Variants in BCAR3 observed in about 807,000 individuals in gnomAD.
BCAR3 encodes the protein BCAR3 adaptor protein, NSP family member, also known as breast cancer anti-estrogen resistance protein 3.
Under a neutral mutation model 80.1 loss-of-function variants are expected in BCAR3, and 37 were observed. That is an observed-to-expected ratio of 0.46 (90% confidence interval 0.36 to 0.61). The LOEUF is 0.61. Among genes scored for constraint, BCAR3 ranks in the 20% least tolerant of loss-of-function variants. The probability of loss-of-function intolerance (pLI) is 0.00; values close to 1 mark genes in which losing one functional copy is unlikely to be tolerated. For synonymous variants in BCAR3, 389 were observed against 418.9 expected (o/e 0.93, Z 0.87); for missense variants, 978 against 1,068.2 (o/e 0.92, Z 1.18).
At chr1:93,786,259 A>G (rs547980744) in intron 2 of BCAR3, among the ~76,000 whole-genome samples, 1 of 149,752 alleles carries the variant, frequency 6.7e-6, no homozygotes, top group African/African-American at 2.5e-5. Flanking sequence ...GAATGCTCAT[A>G]CCTGTAACCC....
chr1:93,689,635 A>G (rs1300445964), intron 3 of BCAR3, among the ~76,000 whole-genome samples: 1 of 152,044 alleles, frequency 6.6e-6, no homozygotes, highest in Non-Finnish European at 1.5e-5. Flanking sequence ...TTGATTATGG[A>G]AATGAAGAGA....
chr1:93,574,706 A>T (rs1673375730), intron 8 of BCAR3, among the ~76,000 whole-genome samples: 1 of 152,208 alleles, frequency 6.6e-6, no homozygotes, highest in African/African-American at 2.4e-5. Flanking sequence ...CTGCTGATAG[A>T]ACGAAGCTAG....
intron 2 of BCAR3, among the ~76,000 whole-genome samples, chr1:93,669,341 CT>C (rs1486703707): frequency 6.6e-6 from 1 of 152,202 alleles, no homozygotes; most frequent in Non-Finnish European, 1.5e-5. Context: ...AGGAAAAAAG[CT>C]GCATAGATTC....
At chr1:93,669,247 G>A (rs1648087285) in intron 2 of BCAR3, among the ~76,000 whole-genome samples, 1 of 152,132 alleles carries the variant, frequency 6.6e-6, no homozygotes, top group African/African-American at 2.4e-5. Context: ...GAAACCAATG[G>A]TTCTGAAGAG....
chr1:93,807,990 A>G (rs1653711253), intron 2 of BCAR3, among the ~76,000 whole-genome samples: 1 of 151,074 alleles, frequency 6.6e-6, no homozygotes, highest in East Asian at 1.9e-4. Flanking sequence ...GTGAGCTGAG[A>G]TCACACCACT....
Position 93,588,348 on chromosome 1 carries a change from A to C in BCAR3, c.929+629T>G, listed in dbSNP as rs1674028122. 2.7e-5 allele frequency among the ~76,000 whole-genome samples: 4 copies of C among 150,586 alleles called. No homozygotes were observed. The South Asian group carries it at 8.4e-4, about 32-fold the overall frequency. ...TCCTACATCTCTTGACTCTCCCTCCACTCCACTCCTGCAGCCGGGGCCCTC... is the reference window on the plus strand; with the variant it reads ...TCCTACATCTCTTGACTCTCCCTCCCCTCCACTCCTGCAGCCGGGGCCCTC... On this transcript the variant is annotated intron_variant, in intron 5 of 11. Transcript: ENST00000260502.
chr1:93,804,202 A>G (rs1653586930), intron 2 of BCAR3, among the ~76,000 whole-genome samples: 1 of 152,232 alleles, frequency 6.6e-6, no homozygotes, highest in African/African-American at 2.4e-5. Flanking sequence ...CCAGCCTCAC[A>G]GGTGAGAATT....
chr1:93,797,466 T>C (rs1279847098), intron 2 of BCAR3, among the ~76,000 whole-genome samples: 3 of 152,190 alleles, frequency 2.0e-5, no homozygotes, highest in Non-Finnish European at 4.4e-5. Context: ...GCTTTGTTAA[T>C]AATGGAGTAT....
At chr1:93,701,412 G>T (rs1043697809) in intron 3 of BCAR3, among the ~76,000 whole-genome samples, 3 of 152,216 alleles carry the variant, frequency 2.0e-5, no homozygotes, top group African/African-American at 7.2e-5. Flanking sequence ...TCACCAGGCT[G>T]GGGGAGGGCA....
At chr1:93,599,545 C>T (rs953411571) in intron 3 of BCAR3, 1 of 150,162 alleles carries the variant, frequency 6.7e-6, no homozygotes, top group Non-Finnish European at 1.5e-5. Flanking sequence ...CCCAGGAAGG[C>T]AACAGGTATA....
intron 2 of BCAR3, among the ~76,000 whole-genome samples, chr1:93,720,806 C>T (rs1650367370): frequency 6.6e-6 from 1 of 152,218 alleles, no homozygotes; most frequent in South Asian, 2.1e-4. Context: ...GAGGGCCTGG[C>T]CCTTTGGCCT....
At chr1:93,679,897 G>A (rs892225271) in intron 1 of BCAR3, among the ~76,000 whole-genome samples, 1 of 152,162 alleles carries the variant, frequency 6.6e-6, no homozygotes, top group African/African-American at 2.4e-5. Flanking sequence ...TATCTGATGT[G>A]AGCTTTAAGA....
At chr1:93,625,611 T>C (rs1675434733) in intron 3 of BCAR3, among the ~76,000 whole-genome samples, 1 of 152,246 alleles carries the variant, frequency 6.6e-6, no homozygotes, top group African/African-American at 2.4e-5. Context: ...CACAGGCTAA[T>C]AAATATGTGA....
intron 2 of BCAR3, among the ~76,000 whole-genome samples, chr1:93,716,956 A>T (rs185746039): frequency 2.0e-5 from 3 of 152,342 alleles, no homozygotes; most frequent in Non-Finnish European, 2.9e-5. Context: ...GACTGAGGCC[A>T]CAACACTTTG....
In BCAR3 at chr1:93,571,820, G is replaced by C. The variant is rs1352125758; in HGVS notation, c.1824C>G (p.Gly608=). The change falls in exon 9 of 12, where the codon GGC becomes GGG. Residue 608 remains glycine, a synonymous_variant. Transcript: ENST00000260502. ...IIERHNTMAI[G]IAVDILGCTG... ...TGCATCCCAGAATGTCCACTGCAAT[G>C]CCGATGGCCATTGTGTTGTGTCTGA... is the stretch of plus-strand genomic sequence containing the variant. The C allele has an allele frequency of 1.9e-6, 3 of 1,613,928 alleles. No individual in the cohort carries two copies. The highest frequency in any genetic ancestry group is 2.5e-6 in the Non-Finnish European group (3 of 1,179,972).
intron 2 of BCAR3, among the ~76,000 whole-genome samples, chr1:93,833,628 T>C (rs1654656550): frequency 6.6e-6 from 1 of 152,186 alleles, no homozygotes; most frequent in South Asian, 2.1e-4. Flanking sequence ...TTCAGTGATA[T>C]TTCTCCTATT....
intron 3 of BCAR3, among the ~76,000 whole-genome samples, chr1:93,701,367 C>T (rs927807656): frequency 1.3e-5 from 2 of 152,140 alleles, no homozygotes; most frequent in African/African-American, 4.8e-5. Context: ...AGACCGGCCA[C>T]CCCACGTGTC....
At chr1:93,826,334 T>C (rs1654372154) in intron 2 of BCAR3, among the ~76,000 whole-genome samples, 1 of 152,152 alleles carries the variant, frequency 6.6e-6, no homozygotes, top group Non-Finnish European at 1.5e-5. Flanking sequence ...TCCTCTTCAC[T>C]TTACTCATTC....
At chr1:93,831,212 C>A (rs1453333654) in intron 2 of BCAR3, among the ~76,000 whole-genome samples, 1 of 152,150 alleles carries the variant, frequency 6.6e-6, no homozygotes, top group South Asian at 2.1e-4. Flanking sequence ...TGCAGGGACA[C>A]CTGCTTTGGC....
Sources: gnomAD v4.1 joint callset for allele counts (sites outside exome capture counted in the v4.1 genomes callset) on GRCh38, gnomAD v4.1.1 for gene constraint, MANE v1.5 for transcripts, NCBI Gene and HGNC (gene_info 2026-07-23, HGNC 2026-07-21) for gene names.